Variants in NRTN observed in about 807,000 individuals in gnomAD.
NRTN encodes neurturin, also known as prepro-neurturin.
NRTN carries 3 observed loss-of-function variants against 7.5 expected under a neutral mutation model. That is an observed-to-expected ratio of 0.40 (90% CI 0.18 to 1.03). The LOEUF is 1.03. Ranked by LOEUF, NRTN falls within the 50% of genes least tolerant of loss-of-function variation. The pLI is 0.34. For missense variants in NRTN, 310 were observed against 307.0 expected, an observed-to-expected ratio of 1.01 and a Z score of -0.07; for synonymous variants, 157 against 146.6, an observed-to-expected ratio of 1.07 and a Z score of -0.51.
At chr19:5,825,540 C>T (rs1382997323) in intron 2 of NRTN, among the ~76,000 whole-genome samples, 2 of 152,242 alleles carry the variant, frequency 1.3e-5, no homozygotes, top group South Asian at 2.1e-4. Flanking sequence ...TCTCTGCAAG[C>T]GGCGTGAAGT....
intron 2 of NRTN, among the ~76,000 whole-genome samples, chr19:5,825,946 A>G (rs919586101): frequency 1.8e-4 from 28 of 152,186 alleles, no homozygotes; most frequent in African/African-American, 3.9e-4. Context: ...CATTCTGGCT[A>G]ACACTGTGAA....
chr19:5,808,259 G>A (rs2056979769), intron 1 of NRTN, among the ~76,000 whole-genome samples: 2 of 152,138 alleles, frequency 1.3e-5, no homozygotes, highest in African/African-American at 2.4e-5. Flanking sequence ...GACCCATGTC[G>A]CTCAAGCCAC....
At chr19:5,816,464 C>T (rs537787625) in intron 1 of NRTN, among the ~76,000 whole-genome samples, 3 of 152,248 alleles carry the variant, frequency 2.0e-5, no homozygotes, top group East Asian at 3.9e-4. Flanking sequence ...CTGCAACCTC[C>T]GCCTCCCAGG....
rs530184299 is a variant in NRTN, at chr19:5,806,795, C to T, written c.-399+1344C>T. Among the ~76,000 whole-genome samples, 8 of 152,200 alleles carry T rather than the reference C, an allele frequency of 5.3e-5. No homozygotes were observed. Among genetic ancestry groups the T allele is most frequent in the Non-Finnish European group, 1.2e-4 (8 of 68,042 alleles). Reference sequence around the variant, plus strand: ...TCCACCATCAGCACTGGCCCCTCGGCGTTTCAGGTCCCAGTTTTCAGGGAG... The same window carrying T: ...TCCACCATCAGCACTGGCCCCTCGGTGTTTCAGGTCCCAGTTTTCAGGGAG... On this transcript the variant is annotated intron_variant, in intron 1 of 2. Coordinates refer to ENST00000303212, the MANE Select transcript of NRTN (RefSeq NM_004558.5). The surrounding 1 kb of genome is among the most constrained non-coding windows in gnomAD (Gnocchi z 5.4).
chr19:5,825,578 C>T (rs1411532423), intron 2 of NRTN, among the ~76,000 whole-genome samples: 1 of 152,346 alleles, frequency 6.6e-6, no homozygotes, highest in African/African-American at 2.4e-5. Context: ...GACAGAGACC[C>T]GGGCGGGACC....
intron 1 of NRTN, among the ~76,000 whole-genome samples, chr19:5,817,394 T>TGAGG (rs1453672953): frequency 1.0e-5 from 1 of 100,294 alleles, no homozygotes; most frequent in African/African-American, 4.1e-5. Flanking sequence ...AGGAAAGGAG[T>TGAGG]GAGGGAGGGA....
At chr19:5,826,100 A>C (rs1599640449) in intron 2 of NRTN, among the ~76,000 whole-genome samples, 1 of 151,244 alleles carries the variant, frequency 6.6e-6, no homozygotes, top group Non-Finnish European at 1.5e-5. Context: ...GCGCCACTGC[A>C]CTCCAGCCTG....
At chr19:5,810,160 G>C (rs370049096) in intron 1 of NRTN, among the ~76,000 whole-genome samples, 227 of 151,484 alleles carry the variant, frequency 1.5e-3, no homozygotes, top group African/African-American at 5.3e-3. Context: ...CCAGCTACTC[G>C]GGAGGCCGAG....
At chr19:5,812,734 CT>C (rs1329625559) in intron 1 of NRTN, among the ~76,000 whole-genome samples, 1 of 152,210 alleles carries the variant, frequency 6.6e-6, no homozygotes, top group Non-Finnish European at 1.5e-5. Flanking sequence ...GCCCAGACCC[CT>C]GGCCAAGTCT....
At chr19:5,805,968 G>A (rs1168904617) in intron 1 of NRTN, among the ~76,000 whole-genome samples, 1 of 152,100 alleles carries the variant, frequency 6.6e-6, no homozygotes, top group African/African-American at 2.4e-5. Flanking sequence ...GGGACACGGT[G>A]TCCTCCGGTG....
chr19:5,810,570 C>T (rs892240438), intron 1 of NRTN, among the ~76,000 whole-genome samples: 1 of 152,078 alleles, frequency 6.6e-6, no homozygotes, highest in African/African-American at 2.4e-5. Flanking sequence ...GTGTCTGCCT[C>T]TAAATAATGG....
chr19:5,827,719 C>A (rs1265439670), intron 2 of NRTN, 30 bp from the exon 3 acceptor site: 4 of 1,126,348 alleles, frequency 3.6e-6, no homozygotes, highest in Non-Finnish European at 4.4e-6. Flanking sequence ...ACCCACTGAC[C>A]CCCCCTCCTT....
chr19:5,812,920 G>A (rs2056994635), intron 1 of NRTN, among the ~76,000 whole-genome samples: 1 of 152,180 alleles, frequency 6.6e-6, no homozygotes, highest in South Asian at 2.1e-4. Context: ...GTATGCCGCG[G>A]CGTTCACACA....
intron 1 of NRTN, among the ~76,000 whole-genome samples, chr19:5,809,350 T>A (rs1198539144): frequency 1.3e-5 from 2 of 151,582 alleles, no homozygotes. Flanking sequence ...TTAAAATTTT[T>A]TGTAGAGACG....
chr19:5,827,803 C>T lies in NRTN; in HGVS notation c.224C>T (p.Pro75Leu). ...PDAMELRELT[P>L]WAGRPPGPRR... ...GCGATGGAGCTGCGCGAGCTGACGC[C>T]CTGGGCTGGGCGGCCCCCAGGTCCG... The change falls in exon 3 of 3, where the codon CCC (proline) becomes CTC (leucine). Residue 75 changes from proline (P) to leucine (L), a missense_variant. Coordinates refer to ENST00000303212, the MANE Select transcript of NRTN (RefSeq NM_004558.5). 1 of 1,190,304 alleles carries T rather than the reference C, an allele frequency of 8.4e-7. No homozygotes were observed. The highest frequency in any genetic ancestry group is 1.0e-6 in the Non-Finnish European group (1 of 960,746). 73.7% of individuals were successfully genotyped at this position (1,190,304 alleles called of 1,614,324 possible).
At position 5,827,984 on chromosome 19, in the gene NRTN, G is replaced by C. The variant is rs560928934; in HGVS notation, c.405G>C (p.Glu135Asp). The change falls in exon 3 of 3, where the codon GAG becomes GAC. Residue 135 changes from glutamate to aspartate, a missense_variant. Coordinates refer to ENST00000303212, the MANE Select transcript of NRTN (RefSeq NM_004558.5). ...VLFRYCAGACEAAARVYDLGL... is the reference protein window; with the variant it reads ...VLFRYCAGACDAAARVYDLGL... ...TCCGCTACTGCGCAGGCGCCTGCGAGGCTGCCGCGCGCGTCTACGACCTCG... is the reference window on the plus strand; with the variant it reads ...TCCGCTACTGCGCAGGCGCCTGCGACGCTGCCGCGCGCGTCTACGACCTCG... 6 of 1,464,980 alleles carry C rather than the reference G, an allele frequency of 4.1e-6. No individual in the cohort carries two copies. The highest frequency in any genetic ancestry group is 5.4e-6 in the Non-Finnish European group (6 of 1,114,030). The allele number at this position is 1,464,980 out of a possible 1,614,324, so 90.7% of individuals were successfully genotyped here.
At chr19:5,809,170 G>GTTTT (rs570492039) in intron 1 of NRTN, among the ~76,000 whole-genome samples, 2 of 134,504 alleles carry the variant, frequency 1.5e-5, no homozygotes, top group African/African-American at 2.8e-5. Flanking sequence ...TTCATCCTGA[G>GTTTT]TTTTTTTTTT....
At position 5,824,187 on chromosome 19, in the gene NRTN, G is replaced by T. The variant is rs1192481126; in HGVS notation, c.22G>T (p.Ala8Ser). Reference sequence around the variant, plus strand: ...GAGGATGCAGCGCTGGAAGGCGGCGGCCTTGGCCTCAGTGCTCTGCAGCTC... The same window carrying T: ...GAGGATGCAGCGCTGGAAGGCGGCGTCCTTGGCCTCAGTGCTCTGCAGCTC... MQRWKAA[A>S]LASVLCSSVL... Residue 8 changes from alanine to serine, a missense_variant, in exon 2 of 3, where the codon GCC becomes TCC. Transcript: ENST00000303212. 2 of 1,610,184 alleles carry T rather than the reference G, an allele frequency of 1.2e-6. No homozygotes were observed. Among genetic ancestry groups the T allele is most frequent in the Non-Finnish European group, 8.5e-7 (1 of 1,179,912 alleles).
chr19:5,808,294 TA>T (rs1225571016), intron 1 of NRTN, among the ~76,000 whole-genome samples: 2 of 152,150 alleles, frequency 1.3e-5, no homozygotes, highest in Non-Finnish European at 2.9e-5. Context: ...GCCAGCTGCT[TA>T]GCCATGCCAG....
Sources: allele counts gnomAD v4.1 joint callset (sites outside exome capture counted in the v4.1 genomes callset), GRCh38; gene constraint gnomAD v4.1.1; non-coding constraint Gnocchi (gnomAD v3.1); transcripts MANE v1.5; gene names NCBI Gene and HGNC (gene_info 2026-07-23, HGNC 2026-07-21).